Variants in DNAH11 observed in about 807,000 individuals in gnomAD.
The protein encoded by DNAH11 is dynein axonemal heavy chain 11.
Under a neutral mutation model 526.0 loss-of-function variants are expected in DNAH11, and 442 were observed. The observed-to-expected ratio is 0.84, with a 90% CI of 0.78 to 0.91. The LOEUF is 0.91. DNAH11 is among the 40% of genes least tolerant of loss of function. The probability of loss-of-function intolerance (pLI) is 0.00; values close to 1 mark genes in which losing one functional copy is unlikely to be tolerated. For synonymous variants in DNAH11, 2,461 were observed against 1,935.9 expected, an observed-to-expected ratio of 1.27 and a Z score of -7.12; for missense variants, 6,989 against 5,448.7, an observed-to-expected ratio of 1.28 and a Z score of -8.90.
At chr7:21,790,793 A>G (rs1364767958) in intron 61 of DNAH11, among the ~76,000 whole-genome samples, 1 of 152,220 alleles carries the variant, frequency 6.6e-6, no homozygotes, top group African/African-American at 2.4e-5. Context: ...TTTGGCGAGT[A>G]TGAGGGAATC....
chr7:21,785,578 G>A (rs373196720), intron 58 of DNAH11, among the ~76,000 whole-genome samples: 26 of 152,248 alleles, frequency 1.7e-4, no homozygotes, highest in African/African-American at 3.1e-4. Context: ...GTAATTGGTC[G>A]TCTCTGAGTA....
Position 21,866,651 on chromosome 7 carries a change from C to G in DNAH11, c.11678C>G (p.Thr3893Arg). Residue 3893 changes from threonine to arginine, a missense_variant, in exon 71 of 82, where the codon ACG becomes AGG. Coordinates refer to ENST00000409508, the MANE Select transcript of DNAH11 (RefSeq NM_001277115.2). ...AGAGCAATGCGCCCTGACAGAATGA[C>G]GTATGCTCTCAGGTGGGGTGGTCAG... ...LLRAMRPDRM[T>R]YALRNFVEEK... 1 of 1,611,640 alleles carries G rather than the reference C, an allele frequency of 6.2e-7. No individual in the cohort carries two copies. Among genetic ancestry groups the G allele is most frequent in the Non-Finnish European group, 8.5e-7 (1 of 1,178,798 alleles).
chr7:21,762,572 CTA>C (rs1275067124), intron 54 of DNAH11, among the ~76,000 whole-genome samples: 2 of 152,094 alleles, frequency 1.3e-5, no homozygotes, highest in African/African-American at 4.8e-5. Flanking sequence ...TAGGTAAAAA[CTA>C]TGCATTTTAA....
At chr7:21,900,770 G>T in intron 81 of DNAH11, 1 of 419,704 alleles carries the variant, frequency 2.4e-6, no homozygotes, top group Non-Finnish European at 4.0e-6. Flanking sequence ...CATAAAATCA[G>T]CTTACTTCCA....
intron 68 of DNAH11, among the ~76,000 whole-genome samples, chr7:21,855,735 T>G (rs902525571): frequency 3.3e-5 from 5 of 152,206 alleles, no homozygotes; most frequent in Non-Finnish European, 5.9e-5. Context: ...CAAATGTTTA[T>G]TATGATCAAT....
chr7:21,764,527 C>T (rs1787084890), intron 54 of DNAH11, among the ~76,000 whole-genome samples: 2 of 152,252 alleles, frequency 1.3e-5, no homozygotes, highest in African/African-American at 2.4e-5. Context: ...TCCCAGTGTC[C>T]TCACGTACGC....
chr7:21,666,854 T>A (rs1207829523), intron 30 of DNAH11, among the ~76,000 whole-genome samples: 1 of 151,918 alleles, frequency 6.6e-6, no homozygotes, highest in African/African-American at 2.4e-5. Flanking sequence ...GCACATACTC[T>A]CTACCTCCCC....
intron 65 of DNAH11, 35 bp from the exon 66 acceptor site, chr7:21,842,509 G>T (rs751569237): frequency 7.7e-6 from 12 of 1,561,220 alleles, no homozygotes; most frequent in Non-Finnish European, 9.7e-6. Context: ...TGGGTCATAG[G>T]AGTCTCCTGA....
At chr7:21,553,705 C>A (rs1562655876) in intron 2 of DNAH11, among the ~76,000 whole-genome samples, 2 of 152,148 alleles carry the variant, frequency 1.3e-5, no homozygotes, top group Non-Finnish European at 1.5e-5. Flanking sequence ...TGTATTTCAC[C>A]TCTTTCTTTG....
rs764051000 is a variant in DNAH11 at position 21,636,070 on chromosome 7, T to C, written c.4700T>C (p.Phe1567Ser). ...CAGCTTGTGAAAGATGCTAGAAGAT[T>C]TGATGGGGTGGATGCTGAATTTAAG... Reference protein sequence around the residue: ...RIQLVKDARRFDGVDAEFKEL... With the variant: ...RIQLVKDARRSDGVDAEFKEL... The change falls in exon 26 of 82, where the codon TTT becomes TCT. Residue 1567 changes from phenylalanine to serine, a missense_variant. Phe to Ser is a radical substitution (Grantham distance 155, BLOSUM62 -2). Transcript: ENST00000409508. 6.2e-7 allele frequency: 1 copy of C among 1,612,648 alleles called. No individual in the cohort carries two copies. Among genetic ancestry groups the C allele is most frequent in the South Asian group, 1.1e-5 (1 of 90,702 alleles).
intron 44 of DNAH11, among the ~76,000 whole-genome samples, chr7:21,722,469 A>G (rs1389940646): frequency 1.3e-5 from 2 of 152,140 alleles, no homozygotes; most frequent in Non-Finnish European, 1.5e-5. Flanking sequence ...AGTGACCTAT[A>G]TTTCTGTTGG....
chr7:21,751,978 A>C (rs1184891288), intron 54 of DNAH11, among the ~76,000 whole-genome samples: 1 of 152,196 alleles, frequency 6.6e-6, no homozygotes, highest in Admixed American at 6.5e-5. Flanking sequence ...TGATTATCGT[A>C]ATCTGTTGCT....
chr7:21,628,501 G>T (rs952977698), intron 25 of DNAH11, among the ~76,000 whole-genome samples: 1 of 151,994 alleles, frequency 6.6e-6, no homozygotes, highest in Admixed American at 6.6e-5. Context: ...TATCATAAAC[G>T]GATGTTGAAT....
chr7:21,697,354 G>T (rs1783900215), intron 35 of DNAH11, among the ~76,000 whole-genome samples: 1 of 151,990 alleles, frequency 6.6e-6, no homozygotes, highest in Non-Finnish European at 1.5e-5. Context: ...ATCCCAGTTG[G>T]TCCTAGGCAG....
intron 65 of DNAH11, among the ~76,000 whole-genome samples, chr7:21,824,184 T>C (rs1369893943): frequency 6.6e-6 from 1 of 152,190 alleles, no homozygotes; most frequent in Non-Finnish European, 1.5e-5. Flanking sequence ...TTTAGGGTGT[T>C]TTAATTTTAT....
At chr7:21,707,054 A>C (rs900153077) in intron 39 of DNAH11, among the ~76,000 whole-genome samples, 6 of 152,194 alleles carry the variant, frequency 3.9e-5, no homozygotes, top group Non-Finnish European at 8.8e-5. Context: ...CTGCTCATTG[A>C]AAGATATTTA....
intron 36 of DNAH11, 142 bp downstream of exon 36, chr7:21,698,355 G>A (rs56376598): frequency 8.3e-7 from 1 of 1,201,238 alleles, no homozygotes; most frequent in Non-Finnish European, 1.1e-6. Flanking sequence ...TAGTTTGGGG[G>A]AACAGGTGTT....
rs1363151521 is a variant in DNAH11 at position 21,750,305 on chromosome 7, G to C, written c.8881G>C (p.Val2961Leu). 4 of 1,605,684 alleles carry C rather than the reference G, an allele frequency of 2.5e-6. No individual in the cohort carries two copies. The East Asian group carries it at 9.0e-5, about 36-fold the overall frequency. Reference protein sequence around the residue: ...IHNEVHALGMVDSRENCWKFF... With the variant: ...IHNEVHALGMLDSRENCWKFF... ...TAATGAAGTTCATGCTCTGGGCATG[G>C]TAGACTCCAGGGAAAACTGTTGGAA... The change falls in exon 54 of 82, where the codon GTA (valine) becomes CTA (leucine). Residue 2961 changes from valine to leucine, a missense_variant. Coordinates refer to ENST00000409508, the MANE Select transcript of DNAH11 (RefSeq NM_001277115.2).
chr7:21,774,310 G>A (rs150370675), intron 56 of DNAH11, among the ~76,000 whole-genome samples: 149 of 152,192 alleles, frequency 9.8e-4, no homozygotes, highest in African/African-American at 3.5e-3. Flanking sequence ...GGTACTTGTC[G>A]TCAAGGTTCT....
Sources: allele counts gnomAD v4.1 joint callset (sites outside exome capture counted in the v4.1 genomes callset), GRCh38; gene constraint gnomAD v4.1.1; transcripts MANE v1.5; gene names NCBI Gene and HGNC (gene_info 2026-07-23, HGNC 2026-07-21).